The following PHLDB2 variants were observed in gnomAD, a reference collection of about 807,000 sequenced individuals.
PHLDB2 encodes the protein pleckstrin homology like domain family B member 2.
Under a neutral mutation model 123.6 loss-of-function variants are expected in PHLDB2, and 71 were observed. That is an observed-to-expected ratio of 0.57 (90% CI 0.47 to 0.70). The LOEUF (loss-of-function observed/expected upper bound fraction) is 0.70. PHLDB2 is among the 30% of genes least tolerant of loss of function. The pLI is 0.00. For missense variants in PHLDB2, 1,446 were observed against 1,519.5 expected (o/e 0.95, Z 0.80); for synonymous variants, 547 against 541.6 (o/e 1.01, Z -0.14).
At chr3:111,932,919 C>A (rs1171883313) in intron 6 of PHLDB2, among the ~76,000 whole-genome samples, 5 of 152,234 alleles carry the variant, frequency 3.3e-5, no homozygotes, top group Non-Finnish European at 7.3e-5. Flanking sequence ...AACACCAAGA[C>A]CCAAGATGCA....
At chr3:111,794,361 G>A (rs373242888) in intron 1 of PHLDB2, among the ~76,000 whole-genome samples, 30 of 152,236 alleles carry the variant, frequency 2.0e-4, no homozygotes, top group African/African-American at 6.3e-4. Context: ...TGTGGCTGCC[G>A]CTGCGGAATA....
At chr3:111,738,672 G>A (rs2059550319) in intron 1 of PHLDB2, among the ~76,000 whole-genome samples, 1 of 152,084 alleles carries the variant, frequency 6.6e-6, no homozygotes, top group Non-Finnish European at 1.5e-5. Context: ...GTATCTGTGT[G>A]TGTATGTGTA....
chr3:111,902,661 G>A (rs575861673), intron 2 of PHLDB2, among the ~76,000 whole-genome samples: 2 of 151,906 alleles, frequency 1.3e-5, no homozygotes, highest in East Asian at 1.9e-4. Context: ...TCTTTGAGGC[G>A]GGGGTCTCCC....
At chr3:111,782,813 A>G (rs1189192427) in intron 1 of PHLDB2, among the ~76,000 whole-genome samples, 4 of 152,100 alleles carry the variant, frequency 2.6e-5, no homozygotes, top group African/African-American at 9.7e-5. Flanking sequence ...ATGAGGTGAT[A>G]AATAGAGCTT....
chr3:111,898,164 G>GTGTGTGTGTGTGTGTT (rs2107424607), intron 2 of PHLDB2, among the ~76,000 whole-genome samples: 1 of 125,482 alleles, frequency 8.0e-6, no homozygotes, highest in African/African-American at 2.9e-5. Context: ...CAATTTCTTT[G>GTGTGTGTGTGTGTGTT]TGTGTGTGTG....
chr3:111,770,825 CAA>C (rs1364702161), intron 1 of PHLDB2, among the ~76,000 whole-genome samples: 1 of 152,122 alleles, frequency 6.6e-6, no homozygotes, highest in African/African-American at 2.4e-5. Context: ...CAAAGGGAGA[CAA>C]GAATAAAAAT....
At chr3:111,883,072 G>A (rs1405747470) in intron 1 of PHLDB2, among the ~76,000 whole-genome samples, 2 of 152,144 alleles carry the variant, frequency 1.3e-5, no homozygotes, top group African/African-American at 4.8e-5. Context: ...TGGTTCATGA[G>A]TTCAGTGACA....
At chr3:111,762,634 T>G (rs372942834) in intron 1 of PHLDB2, among the ~76,000 whole-genome samples, 1 of 152,304 alleles carries the variant, frequency 6.6e-6, no homozygotes, top group African/African-American at 2.4e-5. Flanking sequence ...GAGGTATTAT[T>G]TCTTCAAGCC....
At chr3:111,821,081 T>C (rs1322661892) in intron 1 of PHLDB2, among the ~76,000 whole-genome samples, 1 of 152,168 alleles carries the variant, frequency 6.6e-6, no homozygotes, top group African/African-American at 2.4e-5. Flanking sequence ...AGGTCTTATG[T>C]GGGTTCCATG....
intron 1 of PHLDB2, among the ~76,000 whole-genome samples, chr3:111,831,007 AAG>A (rs1491260483): frequency 4.5e-5 from 5 of 110,706 alleles, no homozygotes; most frequent in Non-Finnish European, 8.9e-5. Flanking sequence ...GAAAGAAAGA[AAG>A]AAAGAAAGAA....
intron 1 of PHLDB2, among the ~76,000 whole-genome samples, chr3:111,769,043 A>G (rs1000517109): frequency 3.9e-5 from 6 of 152,206 alleles, no homozygotes; most frequent in African/African-American, 1.4e-4. Flanking sequence ...CCATGGTCAG[A>G]CACGTGACTG....
intron 1 of PHLDB2, among the ~76,000 whole-genome samples, chr3:111,873,474 T>C (rs2065448037): frequency 6.6e-6 from 1 of 152,220 alleles, no homozygotes; most frequent in African/African-American, 2.4e-5. Flanking sequence ...TTTTATCATC[T>C]AAAAAATAAC....
intron 5 of PHLDB2, among the ~76,000 whole-genome samples, chr3:111,929,086 A>AC (rs1270049432): frequency 2.0e-5 from 3 of 152,004 alleles, no homozygotes; most frequent in Non-Finnish European, 2.9e-5. Flanking sequence ...ACATAATGAG[A>AC]CCCCCATCTC....
chr3:111,822,882 C>A (rs1261104693), intron 1 of PHLDB2, among the ~76,000 whole-genome samples: 1 of 141,102 alleles, frequency 7.1e-6, no homozygotes, highest in Non-Finnish European at 1.5e-5. Context: ...CTCTGTTTAG[C>A]CCTCGGAAAA....
chr3:111,810,961 G>A (rs1271950453), intron 1 of PHLDB2, among the ~76,000 whole-genome samples: 1 of 152,138 alleles, frequency 6.6e-6, no homozygotes, highest in Non-Finnish European at 1.5e-5. Flanking sequence ...GGATACAGAA[G>A]AGATTTCAAA....
chr3:111,834,517 C>A (rs1576813718), intron 1 of PHLDB2, among the ~76,000 whole-genome samples: 1 of 151,138 alleles, frequency 6.6e-6, no homozygotes, highest in Admixed American at 6.6e-5. Context: ...ATATAGTAGT[C>A]TACTTAACCA....
chr3:111,834,559 C>A (rs1412700585), intron 1 of PHLDB2, among the ~76,000 whole-genome samples: 1 of 151,596 alleles, frequency 6.6e-6, no homozygotes, highest in African/African-American at 2.4e-5. Context: ...AGTTTCTCAA[C>A]ACTGTGTTAT....
At chr3:111,824,061 T>C (rs2062534134) in intron 1 of PHLDB2, among the ~76,000 whole-genome samples, 1 of 152,196 alleles carries the variant, frequency 6.6e-6, no homozygotes, top group Non-Finnish European at 1.5e-5. Flanking sequence ...ACAGGATTAT[T>C]GCTCTATTAC....
intron 1 of PHLDB2, among the ~76,000 whole-genome samples, chr3:111,807,946 G>GTTTTTT (rs11418818): frequency 3.2e-4 from 28 of 86,402 alleles, no homozygotes; most frequent in African/African-American, 1.0e-3. Flanking sequence ...TAAGCTGGGT[G>GTTTTTT]TTTTTTTTTT....
Sources: allele counts gnomAD v4.1 joint callset (sites outside exome capture counted in the v4.1 genomes callset), GRCh38; gene constraint gnomAD v4.1.1; transcripts MANE v1.5; gene names NCBI Gene and HGNC (gene_info 2026-07-23, HGNC 2026-07-21).